Variants in NTM observed in about 807,000 individuals in gnomAD.
NTM encodes the protein neurotrimin, also known as IgLON family member 2.
In NTM, 13 loss-of-function variants were observed where a neutral mutation model predicts 42.1. The observed-to-expected ratio is 0.31, with a 90% CI of 0.20 to 0.49. The LOEUF (loss-of-function observed/expected upper bound fraction) is 0.49. Ranked by LOEUF, NTM falls within the 20% of genes least tolerant of loss-of-function variation. The pLI is 0.99. For missense variants in NTM, 373 were observed against 452.8 expected (o/e 0.82, Z 1.60); for synonymous variants, 187 against 179.2 (o/e 1.04, Z -0.35).
intron 2 of NTM, among the ~76,000 whole-genome samples, chr11:131,968,727 G>T (rs967862363): frequency 5.3e-5 from 8 of 152,174 alleles, no homozygotes; most frequent in African/African-American, 1.9e-4. Context: ...AGGCATGGGG[G>T]TGATAATTCC....
At chr11:131,543,882 A>G (rs2053599250) in intron 1 of NTM, among the ~76,000 whole-genome samples, 1 of 152,196 alleles carries the variant, frequency 6.6e-6, no homozygotes. Context: ...ATTCTAATTA[A>G]TAACAGTTAG....
chr11:131,602,388 T>C (rs2060564564), intron 1 of NTM, among the ~76,000 whole-genome samples: 1 of 152,208 alleles, frequency 6.6e-6, no homozygotes. Flanking sequence ...TTACCACTTA[T>C]TAAATAAGTC....
At chr11:131,667,989 T>G (rs1185281742) in intron 1 of NTM, among the ~76,000 whole-genome samples, 1 of 152,220 alleles carries the variant, frequency 6.6e-6, no homozygotes, top group East Asian at 1.9e-4. Flanking sequence ...CCACTTCTGG[T>G]GCCTTGTGCG....
At chr11:131,521,306 C>T (rs1353237085) in intron 1 of NTM, among the ~76,000 whole-genome samples, 1 of 136,622 alleles carries the variant, frequency 7.3e-6, no homozygotes, top group East Asian at 2.2e-4. Flanking sequence ...CAGAGTGAGA[C>T]TCCATCTCAG....
In NTM at chr11:131,454,866, G is replaced by A. The variant is rs554940557; in HGVS notation, c.82+83978G>A. Reference sequence around the variant, plus strand: ...ATATAAAGCCTGTATTTGGCATAGTGTAAATAATTTTAAATGAAACTGTCA... The same window carrying A: ...ATATAAAGCCTGTATTTGGCATAGTATAAATAATTTTAAATGAAACTGTCA... On this transcript the variant is annotated intron_variant, in intron 1 of 8. Transcript: ENST00000683400. 4.6e-5 allele frequency among the ~76,000 whole-genome samples: 7 copies of A among 152,168 alleles called. No homozygotes were observed. The South Asian group carries it at 8.3e-4, about 18-fold the overall frequency.
chr11:131,543,211 A>G (rs1054099819), intron 1 of NTM, among the ~76,000 whole-genome samples: 2 of 152,182 alleles, frequency 1.3e-5, no homozygotes, highest in African/African-American at 2.4e-5. Flanking sequence ...GAAGAAATCA[A>G]TCTTCTTTTC....
At chr11:132,014,344 C>T (rs569533370) in intron 2 of NTM, among the ~76,000 whole-genome samples, 9 of 152,176 alleles carry the variant, frequency 5.9e-5, no homozygotes, top group Non-Finnish European at 1.0e-4. Context: ...AACAGTGCTG[C>T]GGTAAATGCG....
intron 3 of NTM, among the ~76,000 whole-genome samples, chr11:132,197,395 T>C (rs1427244729): frequency 2.6e-5 from 4 of 152,168 alleles, no homozygotes; most frequent in African/African-American, 9.7e-5. Context: ...TTTTTGATCT[T>C]TTAACATGTC....
intron 1 of NTM, among the ~76,000 whole-genome samples, chr11:131,506,274 C>G (rs1279857572): frequency 6.6e-6 from 1 of 152,126 alleles, no homozygotes; most frequent in Non-Finnish European, 1.5e-5. Context: ...GGACCAAGGA[C>G]ATCTGGTGCC....
intron 1 of NTM, among the ~76,000 whole-genome samples, chr11:131,531,737 A>G (rs2051307640): frequency 6.6e-6 from 1 of 152,198 alleles, no homozygotes; most frequent in Non-Finnish European, 1.5e-5. Context: ...ACACCGAGGT[A>G]GAGGGTTTTC....
rs899082353 is a variant in NTM at position 131,811,565 on chromosome 11, C to A, written c.83-99999C>A. On this transcript the variant is annotated intron_variant, in intron 1 of 8. Transcript: ENST00000683400. Reference sequence around the variant, plus strand: ...TAATCACCGCATGCAGGGAGGGCTGCAGAGCAAGTTTATGGTTTACAGTGA... The same window carrying A: ...TAATCACCGCATGCAGGGAGGGCTGAAGAGCAAGTTTATGGTTTACAGTGA... 2.0e-5 allele frequency among the ~76,000 whole-genome samples: 3 copies of A among 152,160 alleles called. No homozygotes were observed. The East Asian group carries it at 5.8e-4, about 29-fold the overall frequency.
chr11:132,186,584 A>G (rs1048574271), intron 3 of NTM, among the ~76,000 whole-genome samples: 1 of 152,014 alleles, frequency 6.6e-6, no homozygotes, highest in Non-Finnish European at 1.5e-5. Flanking sequence ...TTTATTTTTT[A>G]ATGTTTTGTT....
At chr11:131,932,735 C>T (rs873892) in intron 2 of NTM, among the ~76,000 whole-genome samples, 5,801 of 152,214 alleles carry the variant, frequency 0.038, 146 homozygotes, top group Middle Eastern at 0.11. Context: ...GGATTCGCTC[C>T]CTGCCCACAG....
At chr11:131,456,450 T>C (rs558830285) in intron 1 of NTM, among the ~76,000 whole-genome samples, 17 of 152,182 alleles carry the variant, frequency 1.1e-4, no homozygotes, top group African/African-American at 4.1e-4. Context: ...GGGACTGCCC[T>C]CCCTCCTTCG....
intron 2 of NTM, among the ~76,000 whole-genome samples, chr11:131,987,751 A>C (rs1224379100): frequency 6.6e-6 from 1 of 152,218 alleles, no homozygotes; most frequent in Non-Finnish European, 1.5e-5. Flanking sequence ...TTTTATGATG[A>C]GGCTGAAAAA....
At chr11:131,637,929 A>C (rs2064618591) in intron 1 of NTM, among the ~76,000 whole-genome samples, 1 of 152,158 alleles carries the variant, frequency 6.6e-6, no homozygotes, top group Non-Finnish European at 1.5e-5. Context: ...GTCTCTTCCT[A>C]TAAATCAGTT....
chr11:132,268,668 C>CTGTGTGTGTGTGTGTGTG (rs779978929), intron 4 of NTM, among the ~76,000 whole-genome samples: 69 of 138,694 alleles, frequency 5.0e-4, no homozygotes, highest in African/African-American at 1.7e-3. Flanking sequence ...CTCTCTCTCT[C>CTGTGTGTGTGTGTGTGTG]TCTGTGTGTG....
chr11:132,025,338 ATTGAAGTC>A (rs2075025729), intron 2 of NTM, among the ~76,000 whole-genome samples: 1 of 152,278 alleles, frequency 6.6e-6, no homozygotes, highest in Non-Finnish European at 1.5e-5. Flanking sequence ...CTACCCAATT[ATTGAAGTC>A]TTAGTGCCTG....
At chr11:131,585,005 G>C (rs1035432250) in intron 1 of NTM, among the ~76,000 whole-genome samples, 1 of 151,480 alleles carries the variant, frequency 6.6e-6, no homozygotes, top group Admixed American at 6.6e-5. Flanking sequence ...GGGTGCAGTG[G>C]GGGGGAAGCT....
Sources: gnomAD v4.1 joint callset for allele counts (sites outside exome capture counted in the v4.1 genomes callset) on GRCh38, gnomAD v4.1.1 for gene constraint, MANE v1.5 for transcripts, NCBI Gene and HGNC (gene_info 2026-07-23, HGNC 2026-07-21) for gene names.